The following TENM4 variants were observed in gnomAD, a reference collection of about 807,000 sequenced individuals.
The protein encoded by TENM4 is teneurin-4.
A neutral mutation model predicts 243.3 loss-of-function variants in TENM4; 82 were observed. The ratio of observed to expected loss-of-function variants is 0.34; its 90% CI spans 0.28 to 0.40. The LOEUF is 0.40. TENM4 is among the 10% of genes least tolerant of loss of function. The pLI is 1.00. For missense variants in TENM4, 3,138 were observed against 3,673.3 expected, an observed-to-expected ratio of 0.85 and a Z score of 3.77; for synonymous variants, 1,412 against 1,456.3, an observed-to-expected ratio of 0.97 and a Z score of 0.69.
intron 4 of TENM4, among the ~76,000 whole-genome samples, chr11:79,131,667 C>A (rs1044398700): frequency 1.3e-5 from 2 of 152,078 alleles, no homozygotes; most frequent in Non-Finnish European, 2.9e-5. Context: ...ACAAATAGCA[C>A]GATGAATGCA....
chr11:78,722,976 G>T, intron 23 of TENM4, 59 bp from the exon 24 acceptor site: 1 of 1,592,296 alleles, frequency 6.3e-7, no homozygotes, highest in Non-Finnish European at 8.6e-7. Context: ...CTTTTCCTGT[G>T]GTTGACCACA....
chr11:79,035,812 G>A (rs1859362968), intron 6 of TENM4, among the ~76,000 whole-genome samples: 1 of 152,092 alleles, frequency 6.6e-6, no homozygotes, highest in Non-Finnish European at 1.5e-5. Context: ...TACAGAACAA[G>A]CTGAACACAA....
intron 6 of TENM4, among the ~76,000 whole-genome samples, chr11:78,934,448 G>C (rs1435457574): frequency 6.6e-6 from 1 of 152,168 alleles, no homozygotes; most frequent in African/African-American, 2.4e-5. Context: ...GTGTCTTGGG[G>C]ACATCTCAGG....
chr11:79,338,534 C>T (rs1857190571), intron 1 of TENM4, among the ~76,000 whole-genome samples: 1 of 152,256 alleles, frequency 6.6e-6, no homozygotes, highest in Non-Finnish European at 1.5e-5. Context: ...TCCCTTCCAT[C>T]ACTGGGCAGC....
At chr11:78,778,511 T>C (rs1317362341) in intron 17 of TENM4, 91 bp downstream of exon 17, 7 of 1,339,940 alleles carry the variant, frequency 5.2e-6, no homozygotes, top group Non-Finnish European at 7.3e-6. Context: ...ATGTGGTGTA[T>C]ATACATTTTT....
intron 28 of TENM4, among the ~76,000 whole-genome samples, chr11:78,688,887 T>C (rs1195650994): frequency 1.3e-5 from 2 of 152,210 alleles, no homozygotes; most frequent in East Asian, 3.8e-4. Context: ...TCAGGTATGG[T>C]CTTTCTAAAG....
intron 6 of TENM4, among the ~76,000 whole-genome samples, chr11:79,010,564 A>G (rs1365359779): frequency 1.3e-5 from 2 of 152,168 alleles, no homozygotes; most frequent in Non-Finnish European, 2.9e-5. Flanking sequence ...AGGCCTCACA[A>G]TTATGGTGGA....
chr11:78,808,928 C>T (rs576804691), intron 14 of TENM4, among the ~76,000 whole-genome samples: 3 of 152,342 alleles, frequency 2.0e-5, no homozygotes. Flanking sequence ...CCCCTAGACC[C>T]AGAGAGCTTT....
chr11:79,366,485 A>G (rs1345921676), intron 1 of TENM4, among the ~76,000 whole-genome samples: 1 of 152,250 alleles, frequency 6.6e-6, no homozygotes, highest in Non-Finnish European at 1.5e-5. Context: ...CAGCCAGTGC[A>G]CAGGCTGTGG....
At chr11:79,191,157 C>T (rs200378317) in intron 3 of TENM4, among the ~76,000 whole-genome samples, 2,514 of 70,442 alleles carry the variant, frequency 0.036, 178 homozygotes, top group East Asian at 0.29. Flanking sequence ...CTCCTTTCCA[C>T]GGTCTCCCTC....
chr11:78,737,281 G>T (rs1452683036), intron 20 of TENM4, among the ~76,000 whole-genome samples: 1 of 152,216 alleles, frequency 6.6e-6, no homozygotes, highest in Non-Finnish European at 1.5e-5. Context: ...GGTGTATAGG[G>T]TAGGGAACAG....
intron 6 of TENM4, among the ~76,000 whole-genome samples, chr11:78,960,982 T>C (rs1197652921): frequency 6.6e-6 from 1 of 152,204 alleles, no homozygotes; most frequent in Non-Finnish European, 1.5e-5. Context: ...GGCACTACAA[T>C]GGCCACTTGA....
At chr11:78,723,048 A>C in intron 23 of TENM4, 131 bp from the exon 24 acceptor site, 1 of 1,329,850 alleles carries the variant, frequency 7.5e-7, no homozygotes, top group South Asian at 1.5e-5. Context: ...ATCATAGCCC[A>C]AGGCTTTGCC....
At chr11:79,188,847 T>C (rs1863423972) in intron 3 of TENM4, among the ~76,000 whole-genome samples, 1 of 152,134 alleles carries the variant, frequency 6.6e-6, no homozygotes, top group African/African-American at 2.4e-5. Context: ...AGGCAGTCAG[T>C]ACTGGGGGAC....
chr11:79,223,739 C>T (rs1864206837), intron 2 of TENM4, among the ~76,000 whole-genome samples: 1 of 152,180 alleles, frequency 6.6e-6, no homozygotes, highest in Non-Finnish European at 1.5e-5. Context: ...GCCTCAGATG[C>T]CCCTGTAGTG....
intron 1 of TENM4, among the ~76,000 whole-genome samples, chr11:79,323,540 A>G (rs1856925588): frequency 6.6e-6 from 1 of 152,204 alleles, no homozygotes; most frequent in Non-Finnish European, 1.5e-5. Flanking sequence ...GTGGTGGTTA[A>G]TTTTGTGAGT....
intron 23 of TENM4, among the ~76,000 whole-genome samples, chr11:78,723,631 T>A (rs1250546903): frequency 6.6e-6 from 1 of 152,264 alleles, no homozygotes; most frequent in African/African-American, 2.4e-5. Flanking sequence ...TTGACCTCAA[T>A]GACGCAAAAG....
chr11:79,129,908 C>T (rs994245185), intron 4 of TENM4, among the ~76,000 whole-genome samples: 1 of 152,168 alleles, frequency 6.6e-6, no homozygotes, highest in African/African-American at 2.4e-5. Flanking sequence ...GAAAGTGTCA[C>T]CTCCTGGCAG....
chr11:79,159,654 C>T (rs1002294457), intron 3 of TENM4, among the ~76,000 whole-genome samples: 1 of 152,186 alleles, frequency 6.6e-6, no homozygotes, highest in African/African-American at 2.4e-5. Flanking sequence ...GATGTTGAGC[C>T]TCTAGGTAGA....
Sources: allele counts gnomAD v4.1 joint callset (sites outside exome capture counted in the v4.1 genomes callset), GRCh38; gene constraint gnomAD v4.1.1; transcripts MANE v1.5; gene names NCBI Gene and HGNC (gene_info 2026-07-23, HGNC 2026-07-21).